Variants in ADAMTS6 observed in about 807,000 individuals in gnomAD.
ADAMTS6 encodes A disintegrin and metalloproteinase with thrombospondin motifs 6.
A neutral mutation model predicts 144.3 loss-of-function variants in ADAMTS6; 23 were observed. The observed-to-expected ratio is 0.16, with a 90% CI of 0.11 to 0.23. ADAMTS6 has a LOEUF of 0.23. ADAMTS6 is among the 10% of genes least tolerant of loss of function. The probability of loss-of-function intolerance (pLI) is 1.00; values close to 1 mark genes in which losing one functional copy is unlikely to be tolerated. For synonymous variants in ADAMTS6, 444 were observed against 457.5 expected (o/e 0.97, Z 0.38); for missense variants, 999 against 1,379.6 (o/e 0.72, Z 4.37).
chr5:65,470,736 T>G, intron 3 of ADAMTS6, 42 bp downstream of exon 3: 3 of 1,508,324 alleles, frequency 2.0e-6, no homozygotes, highest in Non-Finnish European at 2.6e-6. Flanking sequence ...TGCAAAATTC[T>G]TATTTTCCCA....
At chr5:65,376,174 G>A (rs1751520745) in intron 7 of ADAMTS6, among the ~76,000 whole-genome samples, 1 of 152,130 alleles carries the variant, frequency 6.6e-6, no homozygotes, top group South Asian at 2.1e-4. Flanking sequence ...TGACGAGTTA[G>A]TGGGTGCAGC....
At position 65,289,818 on chromosome 5, in the gene ADAMTS6, G is replaced by C. The variant is rs186905658; in HGVS notation, c.1512+1511C>G. On this transcript the variant is annotated intron_variant, in intron 11 of 24. Coordinates refer to ENST00000381055, the MANE Select transcript of ADAMTS6 (RefSeq NM_197941.4). ...ATAGATTATTTCACTTGCTAACAAA[G>C]AAATGAGAGACATAGATATGAATAA... 7.4e-4 allele frequency among the ~76,000 whole-genome samples: 112 copies of C among 152,112 alleles called. 2 individuals are homozygous for C. Among genetic ancestry groups the C allele is most frequent in the Non-Finnish European group, 3.4e-4 (23 of 67,950 alleles).
chr5:65,311,370 C>T (rs1744477718), intron 9 of ADAMTS6, among the ~76,000 whole-genome samples: 2 of 152,000 alleles, frequency 1.3e-5, no homozygotes, highest in Non-Finnish European at 2.9e-5. Context: ...AGAAATTGTG[C>T]CATAAAGGTT....
At chr5:65,409,076 C>T (rs563087600) in intron 7 of ADAMTS6, among the ~76,000 whole-genome samples, 2 of 152,242 alleles carry the variant, frequency 1.3e-5, no homozygotes, top group African/African-American at 2.4e-5. Context: ...ACCCTAACAT[C>T]ACGATTAAAA....
intron 11 of ADAMTS6, among the ~76,000 whole-genome samples, chr5:65,283,587 T>A (rs1366286019): frequency 5.9e-5 from 9 of 152,138 alleles, no homozygotes. Flanking sequence ...AATAAACTTC[T>A]TGTCAAGTAT....
rs767989492 is a variant in ADAMTS6, at chr5:65,224,332, T to C, written c.2260A>G (p.Lys754Glu). 2 of 1,614,072 alleles carry C rather than the reference T, an allele frequency of 1.2e-6. No homozygotes were observed. Among genetic ancestry groups the C allele is most frequent in the Non-Finnish European group, 1.7e-6 (2 of 1,179,952 alleles). The change falls in exon 18 of 25, where the codon AAG (lysine) becomes GAG (glutamate). Residue 754 changes from lysine to glutamate, a missense_variant. Physicochemically the swap from Lys to Glu is moderately conservative, Grantham distance 56 (BLOSUM62 1). Around this residue, in one of 3 missense-constraint regions of ADAMTS6, gnomAD observed 619 missense variants for 837.0 expected, o/e 0.74. Coordinates refer to ENST00000381055, the MANE Select transcript of ADAMTS6 (RefSeq NM_197941.4). Reference protein sequence around the residue: ...HIEVREVAMSKNYIALKSEGD... With the variant: ...HIEVREVAMSENYIALKSEGD... Reference sequence around the variant, plus strand: ...CAGTCTAACATACCAATATAGTTCTTTGACATGGCAACTTCTCTAACTTCA... The same window carrying C: ...CAGTCTAACATACCAATATAGTTCTCTGACATGGCAACTTCTCTAACTTCA...
chr5:65,332,312 T>G (rs9784694), intron 8 of ADAMTS6, among the ~76,000 whole-genome samples: 24,789 of 101,568 alleles, frequency 0.24, 3,196 homozygotes, highest in African/African-American at 0.37. Context: ...TATATATATA[T>G]AGAGAGAGAG....
chr5:65,294,301 C>T (rs1434800724), intron 10 of ADAMTS6, among the ~76,000 whole-genome samples: 1 of 152,162 alleles, frequency 6.6e-6, no homozygotes, highest in Non-Finnish European at 1.5e-5. Flanking sequence ...CTAACCGCAG[C>T]CTTGAACTAC....
chr5:65,318,176 G>A (rs1402429425), intron 9 of ADAMTS6, among the ~76,000 whole-genome samples: 2 of 151,726 alleles, frequency 1.3e-5, no homozygotes, highest in Non-Finnish European at 2.9e-5. Context: ...AAACTACAAT[G>A]AGATATCATC....
At chr5:65,313,768 A>C (rs1167803804) in intron 9 of ADAMTS6, among the ~76,000 whole-genome samples, 1 of 152,108 alleles carries the variant, frequency 6.6e-6, no homozygotes, top group Non-Finnish European at 1.5e-5. Context: ...AAATGTTTCC[A>C]TACCAGAAAA....
intron 2 of ADAMTS6, among the ~76,000 whole-genome samples, chr5:65,472,316 T>G (rs1760514125): frequency 6.6e-6 from 1 of 152,118 alleles, no homozygotes; most frequent in Admixed American, 6.5e-5. Context: ...CACTAAGAAG[T>G]ATAGGCTTCT....
chr5:65,170,905 T>C (rs1186532363), intron 23 of ADAMTS6, 132 bp from the exon 24 acceptor site: 41 of 943,860 alleles, frequency 4.3e-5, no homozygotes, highest in Non-Finnish European at 5.9e-5. Context: ...AGCGTCTTGC[T>C]ATGTTGGCCA....
At chr5:65,258,948 T>C (rs571160808) in intron 14 of ADAMTS6, among the ~76,000 whole-genome samples, 1 of 152,214 alleles carries the variant, frequency 6.6e-6, no homozygotes, top group South Asian at 2.1e-4. Context: ...GGCAAATAAA[T>C]GGTACAAAAG....
At position 65,368,258 on chromosome 5, in the gene ADAMTS6, T is replaced by C. The variant is rs1355052359; in HGVS notation, c.1074-34173A>G. 3.3e-5 allele frequency among the ~76,000 whole-genome samples: 5 copies of C among 152,210 alleles called. 1 individual carries two copies. The highest frequency in any genetic ancestry group is 7.3e-5 in the Non-Finnish European group (5 of 68,036). On this transcript the variant is annotated intron_variant, in intron 7 of 24. Transcript: ENST00000381055. The stretch of plus-strand genomic sequence containing the variant: ...CTCCTTTTGCTTATTTAAATGATCA[T>C]TTCACCAGCAACAGCATTTCTTTTG...
chr5:65,344,109 A>G (rs1299054108), intron 7 of ADAMTS6, among the ~76,000 whole-genome samples: 1 of 151,956 alleles, frequency 6.6e-6, no homozygotes, highest in Non-Finnish European at 1.5e-5. Flanking sequence ...ATAGCCAGAA[A>G]TGTCTTTTGC....
rs149934350 is a variant in ADAMTS6, at chr5:65,389,776, A to G, written c.1074-55691T>C. ...TGGGAGGTCTAATGGGCAAAATTTG[A>G]TTTCAGTTTTCAGGCTTTATATGGC... On this transcript the variant is annotated intron_variant, in intron 7 of 24. Transcript: ENST00000381055. Among the ~76,000 whole-genome samples the G allele has an allele frequency of 5.2e-3, 789 of 152,164 alleles. 8 individuals carry two copies. The highest frequency in any genetic ancestry group is 0.019 in the African/African-American group (769 of 41,512).
chr5:65,244,928 T>C (rs1368564865), intron 14 of ADAMTS6, among the ~76,000 whole-genome samples: 1 of 152,088 alleles, frequency 6.6e-6, no homozygotes, highest in Non-Finnish European at 1.5e-5. Context: ...CCAAATTACG[T>C]TTTTTCTCAC....
At chr5:65,331,327 T>C (rs1210270693) in intron 8 of ADAMTS6, among the ~76,000 whole-genome samples, 1 of 152,082 alleles carries the variant, frequency 6.6e-6, no homozygotes, top group Admixed American at 6.6e-5. Context: ...TTTTGGTATG[T>C]GCCATGTGGC....
chr5:65,214,883 G>A lies in ADAMTS6; in HGVS notation c.2486C>T (p.Pro829Leu). 2 of 1,613,998 alleles carry A rather than the reference G, an allele frequency of 1.2e-6. No homozygotes were observed. Among genetic ancestry groups the A allele is most frequent in the South Asian group, 1.1e-5 (1 of 91,062 alleles). ...ATCTCCACTGCCAGTTCGAGTGATG[G>A]GAACATTGAACTTATACCTAATTCC... ...NLGIRYKFNV[P>L]ITRTGSGDNE... Residue 829 changes from proline (P) to leucine (L), a missense_variant, in exon 20 of 25, where the codon CCC (proline) becomes CTC (leucine). Physicochemically the swap from Pro to Leu is moderately conservative, Grantham distance 98 (BLOSUM62 -3). This residue lies in a region of ADAMTS6 where 619 missense variants were observed against 837.0 expected (regional missense o/e 0.74). Coordinates refer to ENST00000381055, the MANE Select transcript of ADAMTS6 (RefSeq NM_197941.4). This position sits in a 1 kb window ranked among gnomAD's most constrained non-coding sequence, Gnocchi z 4.6.
Sources: gnomAD v4.1 joint callset for allele counts (sites outside exome capture counted in the v4.1 genomes callset) on GRCh38, gnomAD v4.1.1 for gene constraint, gnomAD v4.1.1 regional missense constraint, Gnocchi (gnomAD v3.1) non-coding constraint, MANE v1.5 for transcripts, NCBI Gene and HGNC (gene_info 2026-07-23, HGNC 2026-07-21) for gene names.